The following NDP variants were observed in gnomAD, a reference collection of about 807,000 sequenced individuals.
The protein encoded by NDP is norrin.
NDP carries 2 observed loss-of-function variants against 8.4 expected under a neutral mutation model. The ratio of observed to expected loss-of-function variants is 0.24; its 90% CI spans 0.10 to 0.75. The LOEUF (loss-of-function observed/expected upper bound fraction) is 0.75. Among genes scored for constraint, NDP ranks in the 30% least tolerant of loss-of-function variants. The pLI is 0.73. For missense variants in NDP, 81 were observed against 110.1 expected (o/e 0.74, Z 1.18); for synonymous variants, 55 against 45.6 (o/e 1.21, Z -0.83).
At chrX:43,972,377 A>G (rs1451688476) in intron 1 of NDP, among the ~76,000 whole-genome samples, 1 of 110,940 alleles carries the variant, frequency 9.0e-6, no homozygotes, top group African/African-American at 3.3e-5. Context: ...CCCCCAAGAA[A>G]GAGTTATGCC....
chrX:43,973,160 AT>A (rs1244561516), intron 1 of NDP, 143 bp downstream of exon 1: 2 of 112,923 alleles, frequency 1.8e-5, no homozygotes, highest in East Asian at 5.6e-4. Flanking sequence ...CAATGCTAGC[AT>A]GCTACAGATT....
intron 2 of NDP, among the ~76,000 whole-genome samples, chrX:43,955,440 G>A (rs889361130): frequency 5.4e-5 from 6 of 111,790 alleles, no homozygotes; most frequent in Non-Finnish European, 9.4e-5. Flanking sequence ...TCACTCATTC[G>A]GCAAGCCATG....
intron 2 of NDP, among the ~76,000 whole-genome samples, chrX:43,951,276 G>A (rs772411038): frequency 9.1e-6 from 1 of 109,290 alleles, no homozygotes; most frequent in East Asian, 2.9e-4. Flanking sequence ...TTAACCAGGC[G>A]TGGTGATGTG....
intron 1 of NDP, among the ~76,000 whole-genome samples, chrX:43,969,280 G>T (rs1003645546): frequency 1.8e-5 from 2 of 111,670 alleles, no homozygotes; most frequent in Non-Finnish European, 3.8e-5. Context: ...AAAGACATTC[G>T]GGTCTGTGCT....
intron 1 of NDP, among the ~76,000 whole-genome samples, chrX:43,965,283 G>C: frequency 9.1e-6 from 1 of 110,350 alleles, no homozygotes; most frequent in Non-Finnish European, 1.9e-5. Flanking sequence ...GCCAGGCATG[G>C]TGGTACACGC....
chrX:43,950,881 A>T (rs1438256057), intron 2 of NDP, among the ~76,000 whole-genome samples: 2 of 111,760 alleles, frequency 1.8e-5, no homozygotes, highest in Non-Finnish European at 3.8e-5. Context: ...GTACATAAGC[A>T]CACACACAAT....
chrX:43,958,736 G>T lies in NDP; in HGVS notation c.-91C>A. The T allele has an allele frequency of 2.5e-6, 2 of 808,762 alleles. No individual in the cohort carries two copies. The highest frequency in any genetic ancestry group is 3.7e-6 in the Non-Finnish European group (2 of 541,883). The allele number at this position is 808,762 out of a possible 1,213,427, so 66.7% of individuals were successfully genotyped here. A position where few individuals can be genotyped will look rare whatever the true frequency, so the allele number is the denominator to read the frequency against. On this transcript the variant is annotated 5_prime_UTR_variant, in exon 2 of 3. Transcript: ENST00000642620. ...GCTTCACCTCCTAGGATCCAGTCCC[G>T]TTCAAGGAAAGGGCAGGATCGGGCT...
chrX:43,956,512 G>C (rs923540209), intron 2 of NDP, among the ~76,000 whole-genome samples: 2 of 111,757 alleles, frequency 1.8e-5, no homozygotes, highest in Non-Finnish European at 3.8e-5. Flanking sequence ...TTAGAGAAAA[G>C]ATCAGCCCGA....
At chrX:43,965,338 G>C (rs933140316) in intron 1 of NDP, among the ~76,000 whole-genome samples, 2 of 111,001 alleles carry the variant, frequency 1.8e-5, no homozygotes, top group African/African-American at 6.6e-5. Flanking sequence ...AGGATCACCT[G>C]AGCATGGGTG....
At chrX:43,951,978 GTTTGTTTTGT>G (rs1387256340) in intron 2 of NDP, among the ~76,000 whole-genome samples, 1 of 111,694 alleles carries the variant, frequency 9.0e-6, no homozygotes, top group Non-Finnish European at 1.9e-5. Flanking sequence ...ATGATTGTTT[GTTTGTTTTGT>G]TTTGTTTTTA....
chrX:43,952,619 T>C (rs56017144), intron 2 of NDP, among the ~76,000 whole-genome samples: 2,269 of 111,392 alleles, frequency 0.02, 24 homozygotes, highest in Middle Eastern at 0.11. Context: ...GCTCATCTGA[T>C]TGCAATCTCA....
intron 2 of NDP, among the ~76,000 whole-genome samples, chrX:43,952,882 C>A (rs1456473322): frequency 9.0e-6 from 1 of 111,399 alleles, no homozygotes; most frequent in East Asian, 2.8e-4. Context: ...GTCTTACTTA[C>A]AACTATTCTC....
chrX:43,965,425 A>T (rs937613334), intron 1 of NDP, among the ~76,000 whole-genome samples: 31 of 111,000 alleles, frequency 2.8e-4, no homozygotes, highest in Admixed American at 9.6e-4. Flanking sequence ...TCTCAAAAAA[A>T]CAAAAGTTAA....
At chrX:43,971,456 C>G (rs1195600098) in intron 1 of NDP, among the ~76,000 whole-genome samples, 2 of 111,114 alleles carry the variant, frequency 1.8e-5, no homozygotes, top group Admixed American at 9.6e-5. Context: ...GTCATTGGAA[C>G]TCGAATTAAG....
intron 1 of NDP, among the ~76,000 whole-genome samples, chrX:43,962,631 C>T (rs1305656524): frequency 8.9e-6 from 1 of 111,941 alleles, no homozygotes; most frequent in African/African-American, 3.2e-5. Flanking sequence ...AGACTTAGAA[C>T]CTTGGCCCAG....
intron 1 of NDP, among the ~76,000 whole-genome samples, chrX:43,963,123 C>T (rs774437031): frequency 1.8e-5 from 2 of 112,370 alleles, no homozygotes; most frequent in East Asian, 5.6e-4. Flanking sequence ...ATCCATATTT[C>T]CCCCTAGGCT....
At chrX:43,962,971 C>A (rs939608934) in intron 1 of NDP, among the ~76,000 whole-genome samples, 6 of 112,088 alleles carry the variant, frequency 5.4e-5, no homozygotes, top group Non-Finnish European at 1.1e-4. Flanking sequence ...CAGATCAGCT[C>A]ACTCTTGGGC....
intron 1 of NDP, among the ~76,000 whole-genome samples, chrX:43,960,588 C>T (rs1394815116): frequency 3.6e-5 from 4 of 112,220 alleles, no homozygotes; most frequent in African/African-American, 1.3e-4. Context: ...TTCCTATACA[C>T]GTTACCCTGA....
chrX:43,951,672 A>G (rs1344638271), intron 2 of NDP, among the ~76,000 whole-genome samples: 1 of 111,790 alleles, frequency 8.9e-6, no homozygotes, highest in Non-Finnish European at 1.9e-5. Flanking sequence ...CCATCTTTCC[A>G]AAAGGGAGAA....
Sources: allele counts gnomAD v4.1 joint callset (sites outside exome capture counted in the v4.1 genomes callset), GRCh38; gene constraint gnomAD v4.1.1; transcripts MANE v1.5; gene names NCBI Gene and HGNC (gene_info 2026-07-23, HGNC 2026-07-21).